Variants in ADGRL3 observed in about 807,000 individuals in gnomAD.
The protein encoded by ADGRL3 is adhesion G protein-coupled receptor L3.
A neutral mutation model predicts 153.5 loss-of-function variants in ADGRL3; 62 were observed. That is an observed-to-expected ratio of 0.40 (90% CI 0.33 to 0.50). The LOEUF is 0.50. Ranked by LOEUF, ADGRL3 falls within the 20% of genes least tolerant of loss-of-function variation. The pLI, the probability that ADGRL3 is intolerant of heterozygous loss-of-function variation, is 0.47. For missense variants in ADGRL3, 1,641 were observed against 1,859.4 expected, an observed-to-expected ratio of 0.88 and a Z score of 2.16; for synonymous variants, 710 against 672.5, an observed-to-expected ratio of 1.06 and a Z score of -0.86.
At chr4:61,618,292 C>T (rs77068761) in intron 5 of ADGRL3, among the ~76,000 whole-genome samples, 1,589 of 152,198 alleles carry the variant, frequency 0.01, 12 homozygotes, top group African/African-American at 0.026. Context: ...CACAGATTAT[C>T]GTTAATGCTT....
chr4:61,897,818 A>C (rs976479848), intron 11 of ADGRL3, among the ~76,000 whole-genome samples: 8 of 152,056 alleles, frequency 5.3e-5, no homozygotes, highest in Non-Finnish European at 1.0e-4. Context: ...CAGATGGAAC[A>C]CTTGAGGAGG....
At chr4:61,206,594 G>A (rs1254439112) in intron 1 of ADGRL3, among the ~76,000 whole-genome samples, 1 of 152,106 alleles carries the variant, frequency 6.6e-6, no homozygotes, top group Non-Finnish European at 1.5e-5. Flanking sequence ...TGCTCTGATG[G>A]CATATGTCAT....
At chr4:61,558,313 C>G (rs2148926996) in intron 4 of ADGRL3, among the ~76,000 whole-genome samples, 1 of 150,928 alleles carries the variant, frequency 6.6e-6, no homozygotes, top group South Asian at 2.1e-4. Context: ...CTTATGTGTT[C>G]CTGGGATCCT....
chr4:61,372,835 C>T (rs1190576861), intron 1 of ADGRL3, among the ~76,000 whole-genome samples: 5 of 152,192 alleles, frequency 3.3e-5, no homozygotes, highest in Non-Finnish European at 7.3e-5. Context: ...AGTCTCGCTG[C>T]CGCCTTGCAG....
At chr4:61,569,899 A>G (rs76934021) in intron 4 of ADGRL3, among the ~76,000 whole-genome samples, 2 of 152,252 alleles carry the variant, frequency 1.3e-5, no homozygotes, top group East Asian at 3.9e-4. Flanking sequence ...TTACAAAAGT[A>G]TTTTTATCAT....
intron 1 of ADGRL3, among the ~76,000 whole-genome samples, chr4:61,238,025 G>T (rs2149282753): frequency 6.6e-6 from 1 of 152,246 alleles, no homozygotes; most frequent in African/African-American, 2.4e-5. Context: ...CCTTTCAGCT[G>T]ATTGATTTTG....
In ADGRL3 at chr4:61,395,043, TATTA is replaced by T. The variant is rs1385163115; in HGVS notation, c.-174+11858_-174+11861del. On this transcript the variant is annotated intron_variant, in intron 2 of 26. Coordinates refer to ENST00000683033, the MANE Select transcript of ADGRL3 (RefSeq NM_001387552.1). ...CCACAAATGAAGAAATCTTCAGTGT[TATTA>T]ATTCCACAAATAAAAATTTTAATAG... 2.0e-5 allele frequency among the ~76,000 whole-genome samples: 3 copies of T among 152,202 alleles called. No individual in the cohort carries two copies. The East Asian group carries it at 5.8e-4, about 29-fold the overall frequency.
intron 6 of ADGRL3, among the ~76,000 whole-genome samples, chr4:61,709,322 T>C (rs186160285): frequency 3.3e-5 from 5 of 152,326 alleles, no homozygotes; most frequent in Non-Finnish European, 5.9e-5. Context: ...ATGTAGTTAG[T>C]TGCCTAATTA....
chr4:61,276,201 G>T (rs191169934), intron 1 of ADGRL3, among the ~76,000 whole-genome samples: 48 of 152,166 alleles, frequency 3.2e-4, no homozygotes, highest in African/African-American at 1.0e-3. Flanking sequence ...TCTTTAGTAT[G>T]TTGACATCCT....
chr4:61,461,104 C>A (rs2097809045), intron 2 of ADGRL3, among the ~76,000 whole-genome samples: 1 of 152,004 alleles, frequency 6.6e-6, no homozygotes, highest in Non-Finnish European at 1.5e-5. Flanking sequence ...GCCATCACAT[C>A]TCGTGAGACT....
chr4:61,960,128 A>G (rs1033729869), intron 17 of ADGRL3, among the ~76,000 whole-genome samples: 1 of 152,210 alleles, frequency 6.6e-6, no homozygotes, highest in East Asian at 1.9e-4. Context: ...TTTTAGAACC[A>G]AGAATTTTTT....
intron 8 of ADGRL3, among the ~76,000 whole-genome samples, chr4:61,785,137 G>A (rs551418456): frequency 1.3e-5 from 2 of 152,170 alleles, no homozygotes; most frequent in East Asian, 3.9e-4. Context: ...GGGGTTAGGA[G>A]GGAGATTAAG....
chr4:62,018,661 C>A (rs1015774946), intron 21 of ADGRL3, among the ~76,000 whole-genome samples: 2 of 152,082 alleles, frequency 1.3e-5, no homozygotes, highest in African/African-American at 4.8e-5. Flanking sequence ...AGGAGCCCAG[C>A]TGGGATTGGC....
chr4:61,690,351 G>A (rs1366514957), intron 6 of ADGRL3, among the ~76,000 whole-genome samples: 1 of 152,098 alleles, frequency 6.6e-6, no homozygotes, highest in East Asian at 1.9e-4. Context: ...GCTGAAGTTG[G>A]AAGATTGCTT....
intron 6 of ADGRL3, among the ~76,000 whole-genome samples, chr4:61,692,015 C>T (rs2095548165): frequency 6.6e-6 from 1 of 152,028 alleles, no homozygotes; most frequent in African/African-American, 2.4e-5. Context: ...AAAGAATATT[C>T]TGGGGTGTTT....
intron 4 of ADGRL3, among the ~76,000 whole-genome samples, chr4:61,555,705 T>A (rs2098762427): frequency 6.6e-6 from 1 of 152,192 alleles, no homozygotes; most frequent in South Asian, 2.1e-4. Flanking sequence ...GAATGGCTAC[T>A]CCATAGACAA....
At chr4:61,405,952 A>C (rs1300197356) in intron 2 of ADGRL3, among the ~76,000 whole-genome samples, 2 of 152,020 alleles carry the variant, frequency 1.3e-5, no homozygotes, top group Non-Finnish European at 2.9e-5. Flanking sequence ...TACTTTATTC[A>C]GTTCAGCAAA....
intron 1 of ADGRL3, among the ~76,000 whole-genome samples, chr4:61,278,726 G>A (rs1413798716): frequency 1.3e-5 from 2 of 151,986 alleles, no homozygotes; most frequent in Non-Finnish European, 2.9e-5. Context: ...GGCTGTTCTC[G>A]AACTCCTGAT....
intron 5 of ADGRL3, among the ~76,000 whole-genome samples, chr4:61,598,971 A>G (rs1238250902): frequency 2.6e-5 from 4 of 152,178 alleles, no homozygotes; most frequent in African/African-American, 9.7e-5. Context: ...GCCAAGGGAA[A>G]ACTTAGCTTT....
Sources: allele counts gnomAD v4.1 joint callset (sites outside exome capture counted in the v4.1 genomes callset), GRCh38; gene constraint gnomAD v4.1.1; transcripts MANE v1.5; gene names NCBI Gene and HGNC (gene_info 2026-07-23, HGNC 2026-07-21).